Variants in RILPL2 observed in about 807,000 individuals in gnomAD.
The protein encoded by RILPL2 is RILP-like protein 2.
Under a neutral mutation model 22.2 loss-of-function variants are expected in RILPL2, and 19 were observed. That is an observed-to-expected ratio of 0.86 (90% CI 0.60 to 1.25). The LOEUF is 1.25. Among genes scored for constraint, RILPL2 ranks in the 50% most tolerant of loss-of-function variants. RILPL2 has a pLI of 0.00. For synonymous variants in RILPL2, 123 were observed against 111.6 expected (o/e 1.10, Z -0.64); for missense variants, 243 against 263.6 (o/e 0.92, Z 0.54).
At chr12:123,430,797 TC>T in intron 1 of RILPL2, 138 bp from the exon 2 acceptor site, 1 of 577,346 alleles carries the variant, frequency 1.7e-6, no homozygotes, top group Non-Finnish European at 2.3e-6. Flanking sequence ...AACTTCGGGC[TC>T]CCAGGTTCAA....
At chr12:123,427,214 C>T (rs1438710974) in intron 2 of RILPL2, among the ~76,000 whole-genome samples, 6 of 152,150 alleles carry the variant, frequency 3.9e-5, no homozygotes, top group Non-Finnish European at 7.3e-5. Context: ...GGGCTGTCAG[C>T]AGGTGCGCCC....
At chr12:123,430,270 A>T (rs11519541) in intron 2 of RILPL2, among the ~76,000 whole-genome samples, 2 of 149,584 alleles carry the variant, frequency 1.3e-5, no homozygotes, top group Non-Finnish European at 3.0e-5. Flanking sequence ...TTAGCCAGGC[A>T]CGGTGGCGGG....
intron 2 of RILPL2, among the ~76,000 whole-genome samples, chr12:123,428,976 CA>C (rs1879519575): frequency 6.6e-6 from 1 of 152,280 alleles, no homozygotes; most frequent in Admixed American, 6.5e-5. Context: ...TATTTGACTA[CA>C]GAGCCCCCTT....
At chr12:123,424,979 A>G (rs1238621869) in intron 2 of RILPL2, among the ~76,000 whole-genome samples, 1 of 151,852 alleles carries the variant, frequency 6.6e-6, no homozygotes, top group East Asian at 1.9e-4. Context: ...TCCCGGGTTC[A>G]CGCCATTCTC....
intron 1 of RILPL2, among the ~76,000 whole-genome samples, chr12:123,435,004 G>A (rs1257375184): frequency 1.5e-5 from 2 of 129,308 alleles, no homozygotes; most frequent in African/African-American, 3.0e-5. Context: ...GTGAAACCCC[G>A]TCTCTACCAA....
chr12:123,429,358 C>T (rs1355588923), intron 2 of RILPL2, among the ~76,000 whole-genome samples: 13 of 152,140 alleles, frequency 8.5e-5, no homozygotes, highest in Admixed American at 4.6e-4. Flanking sequence ...TGCAGTGGCA[C>T]GATCTCGGCT....
rs1452459037 is a variant in RILPL2 at position 123,436,342 on chromosome 12, C to G, written c.79G>C (p.Gly27Arg). Residue 27 changes from glycine (G) to arginine (R), a missense_variant, in exon 1 of 4, where the codon GGG becomes CGG. Coordinates refer to ENST00000280571, the MANE Select transcript of RILPL2 (RefSeq NM_145058.3). The surrounding 1 kb of genome is among the most constrained non-coding windows in gnomAD (Gnocchi z 6.7). The stretch of plus-strand genomic sequence containing the variant: ...TGGAAGGGGCTCTTGCCCAGCGCCC[C>G]CTCGGGCCCAACCTCGTCCCTCTCC... ...DEERDEVGPE[G>R]ALGKSPFQLT... 6 of 1,565,086 alleles carry G rather than the reference C, an allele frequency of 3.8e-6. No individual in the cohort carries two copies. The highest frequency in any genetic ancestry group is 1.2e-5 in the South Asian group (1 of 85,370).
chr12:123,429,598 T>C (rs1197443218), intron 2 of RILPL2, among the ~76,000 whole-genome samples: 1 of 151,200 alleles, frequency 6.6e-6, no homozygotes, highest in African/African-American at 2.4e-5. Context: ...CAGTCGTTTT[T>C]ATTTTGTTTT....
downstream of RILPL2, chr12:123,412,032 T>G (rs1878988777): frequency 6.6e-6 from 1 of 152,156 alleles, no homozygotes; most frequent in Non-Finnish European, 1.5e-5. Context: ...TCCAAGCATT[T>G]CTCACCGTAA....
chr12:123,436,159 C>A lies in RILPL2; in HGVS notation c.262G>T (p.Glu88Ter), dbSNP rs1879791665. The A allele has an allele frequency of 1.9e-6, 3 of 1,607,450 alleles. No individual in the cohort carries two copies. The highest frequency in any genetic ancestry group is 1.1e-5 in the South Asian group (1 of 89,818). ...AGGTGGTCCCTCTCCATCTTCAGCTCCTCCAGCGCCAGGCTGCCCTCATTC... is the reference window on the plus strand; with the variant it reads ...AGGTGGTCCCTCTCCATCTTCAGCTACTCCAGCGCCAGGCTGCCCTCATTC... ...LVNEGSLALE[E>*]LKMERDHLRK... The change falls in exon 1 of 4, where the codon GAG (glutamate) becomes TAG (stop). Residue 88 changes from glutamate (E) to a stop codon, truncating the protein, a stop_gained. Transcript: ENST00000280571. LOFTEE classifies it high-confidence loss of function. The surrounding 1 kb of genome is among the most constrained non-coding windows in gnomAD (Gnocchi z 6.7).
rs755037427 is a variant in RILPL2, at chr12:123,436,173, C to T, written c.248G>A (p.Ser83Asn). 5 of 1,610,062 alleles carry T rather than the reference C, an allele frequency of 3.1e-6. No individual in the cohort carries two copies. Among genetic ancestry groups the T allele is most frequent in the Non-Finnish European group, 4.2e-6 (5 of 1,178,440 alleles). ...CATCTTCAGCTCCTCCAGCGCCAGG[C>T]TGCCCTCATTCACCAGCGCCTCCAG... is the stretch of plus-strand genomic sequence containing the variant. ...EMLEALVNEG[S>N]LALEELKMER... is the part of the protein sequence containing the mutation. Residue 83 changes from serine to asparagine, a missense_variant, in exon 1 of 4, where the codon AGC becomes AAC. Coordinates refer to ENST00000280571, the MANE Select transcript of RILPL2 (RefSeq NM_145058.3). The surrounding 1 kb of genome is among the most constrained non-coding windows in gnomAD (Gnocchi z 6.7).
rs529786220 is a variant in RILPL2 at position 123,415,399 on chromosome 12, A to G, written c.*492T>C. 10 of 169,094 alleles carry G rather than the reference A, an allele frequency of 5.9e-5. No individual in the cohort carries two copies. The highest frequency in any genetic ancestry group is 2.4e-4 in the African/African-American group (10 of 41,846). The allele number at this position is 169,094 out of a possible 1,614,324, so 10.5% of individuals were successfully genotyped here. A position where few individuals can be genotyped will look rare whatever the true frequency, so the allele number is the denominator to read the frequency against. On this transcript the variant is annotated 3_prime_UTR_variant, in exon 4 of 4. Coordinates refer to ENST00000280571, the MANE Select transcript of RILPL2 (RefSeq NM_145058.3). The stretch of plus-strand genomic sequence containing the variant: ...TCTAGATAAGCTATAGAAAGTATAA[A>G]AATCATTTTACTTTAATACAAAATC...
chr12:123,423,098 G>T lies in RILPL2; in HGVS notation c.551C>A (p.Thr184Asn). ...GTTCCTGCCAGCATTTTTGGCACTA[G>T]TAACCACAGCATCTTTTTCTCTTCT... ...GGRREKDAVV[T>N]SAKNAGRNKE... The change falls in exon 3 of 4, where the codon ACT becomes AAT. Residue 184 changes from threonine (T) to asparagine (N), a missense_variant. Thr to Asn is a moderately conservative substitution (Grantham distance 65). Coordinates refer to ENST00000280571, the MANE Select transcript of RILPL2 (RefSeq NM_145058.3). The T allele has an allele frequency of 1.9e-6, 3 of 1,613,508 alleles. No homozygotes were observed. Among genetic ancestry groups the T allele is most frequent in the Non-Finnish European group, 2.5e-6 (3 of 1,179,924 alleles).
chr12:123,436,235 C>T lies in RILPL2; in HGVS notation c.186G>A (p.Thr62=), dbSNP rs1282339074. The T allele has an allele frequency of 6.2e-7, 1 of 1,612,402 alleles. No homozygotes were observed. The highest frequency in any genetic ancestry group is 8.5e-7 in the Non-Finnish European group (1 of 1,179,374). The part of the protein sequence containing the change: ...LMALGSDPRV[T]QLQFKVVRVL... ...CGCGGACGACTTTGAACTGCAGCTG[C>T]GTCACCCGGGGGTCGCTGCCCAGGG... Residue 62 remains threonine (T), a synonymous_variant, in exon 1 of 4, where the codon ACG becomes ACA. Coordinates refer to ENST00000280571, the MANE Select transcript of RILPL2 (RefSeq NM_145058.3). The surrounding 1 kb of genome is among the most constrained non-coding windows in gnomAD (Gnocchi z 6.7).
At chr12:123,413,030 CTACAAAAA>C (rs200535527), downstream of RILPL2, 2,560 of 152,386 alleles carry the variant, frequency 0.017, 45 homozygotes, top group Non-Finnish European at 0.022. Context: ...AACCCCGTCT[CTACAAAAA>C]TACAAAAATT....
chr12:123,418,756 C>CTTTTTTTTTTTTT (rs1202023726), intron 3 of RILPL2, among the ~76,000 whole-genome samples: 3 of 96,240 alleles, frequency 3.1e-5, no homozygotes, highest in Non-Finnish European at 4.0e-5. Flanking sequence ...CTTTTTCTTT[C>CTTTTTTTTTTTTT]TTTTTTTTTT....
chr12:123,424,753 A>C (rs935066795), intron 2 of RILPL2, among the ~76,000 whole-genome samples: 3 of 152,214 alleles, frequency 2.0e-5, no homozygotes, highest in Non-Finnish European at 2.9e-5. Context: ...GGCACAGTAC[A>C]ACTCATTACA....
Position 123,415,859 on chromosome 12 carries a change from T to A in RILPL2, c.*32A>T. The A allele has an allele frequency of 6.2e-7, 1 of 1,612,318 alleles. No individual in the cohort carries two copies. Among genetic ancestry groups the A allele is most frequent in the Non-Finnish European group, 8.5e-7 (1 of 1,178,334 alleles). ...CATCTTGGAAGGTTGTCTTCTAGAA[T>A]CAGAGCCATAGCCTTACTTGTGGCC... On this transcript the variant is annotated 3_prime_UTR_variant, in exon 4 of 4. Transcript: ENST00000280571.
intron 1 of RILPL2, among the ~76,000 whole-genome samples, chr12:123,432,983 A>G (rs988477713): frequency 1.3e-5 from 2 of 150,206 alleles, no homozygotes; most frequent in Non-Finnish European, 2.9e-5. Context: ...AATAATAATA[A>G]TTAAGAAGAA....
Sources: gnomAD v4.1 joint callset for allele counts (sites outside exome capture counted in the v4.1 genomes callset) on GRCh38, gnomAD v4.1.1 for gene constraint, Gnocchi (gnomAD v3.1) non-coding constraint, MANE v1.5 for transcripts, NCBI Gene and HGNC (gene_info 2026-07-23, HGNC 2026-07-21) for gene names.